The following FOSL2 variants were observed in gnomAD, a reference collection of about 807,000 sequenced individuals.
FOSL2 encodes the protein FOS like 2, AP-1 transcription factor subunit.
FOSL2 carries 3 observed loss-of-function variants against 27.7 expected under a neutral mutation model. The observed-to-expected ratio is 0.11, with a 90% CI of 0.05 to 0.28. FOSL2 has a LOEUF of 0.28. Ranked by LOEUF, FOSL2 falls within the 10% of genes least tolerant of loss-of-function variation. The pLI is 1.00. For synonymous variants in FOSL2, 179 were observed against 190.1 expected (o/e 0.94, Z 0.48); for missense variants, 333 against 445.1 (o/e 0.75, Z 2.27).
intron 1 of FOSL2, among the ~76,000 whole-genome samples, chr2:28,401,632 C>T: frequency 6.6e-6 from 1 of 152,190 alleles, no homozygotes; most frequent in Non-Finnish European, 1.5e-5. Flanking sequence ...CACACTCAGC[C>T]ATGCCTGCTG....
intron 1 of FOSL2, among the ~76,000 whole-genome samples, chr2:28,398,064 A>G (rs949087472): frequency 6.6e-6 from 1 of 151,974 alleles, no homozygotes; most frequent in Admixed American, 6.6e-5. Flanking sequence ...AATAACTTGG[A>G]TTTTTTTTCT....
rs372803754 is a variant in FOSL2, at chr2:28,404,112, C to T, written c.108C>T (p.Phe36=). 53 of 1,613,880 alleles carry T rather than the reference C, an allele frequency of 3.3e-5. No homozygotes were observed. The highest frequency in any genetic ancestry group is 6.7e-5 in the Admixed American group (4 of 59,974). ...ATTTTTTTTCCTCATTTCAGAAATT[C>T]CGGGTAGATATGCCTGGCTCAGGCA... ...YSSGGGGQQK[F]RVDMPGSGSA... Residue 36 remains phenylalanine (F), a synonymous_variant, in exon 2 of 4, where the codon TTC becomes TTT. Coordinates refer to ENST00000264716, the MANE Select transcript of FOSL2 (RefSeq NM_005253.4). The surrounding 1 kb of genome is among the most constrained non-coding windows in gnomAD (Gnocchi z 4.7).
rs1388636719 is a variant in FOSL2, at chr2:28,413,612, C to T, written c.*1164C>T. The T allele has an allele frequency of 1.0e-5, 4 of 398,732 alleles. No individual in the cohort carries two copies. The highest frequency in any genetic ancestry group is 4.1e-5 in the African/African-American group (2 of 48,642). 24.7% of individuals were successfully genotyped at this position (398,732 alleles called of 1,614,324 possible). On this transcript the variant is annotated 3_prime_UTR_variant, in exon 4 of 4. Transcript: ENST00000264716. ...GAGGCCGTCACTGGAGTGGCGTCTG[C>T]AGCAGCTGCTGCCCCAGCACCCGCT...
intron 1 of FOSL2, among the ~76,000 whole-genome samples, chr2:28,399,137 T>C (rs537269487): frequency 6.6e-6 from 1 of 152,252 alleles, no homozygotes; most frequent in South Asian, 2.1e-4. Context: ...GTTTACAGAG[T>C]CCACAGGGCT....
chr2:28,407,177 C>T (rs767879831), intron 2 of FOSL2, among the ~76,000 whole-genome samples: 4 of 152,150 alleles, frequency 2.6e-5, no homozygotes, highest in Non-Finnish European at 5.9e-5. Context: ...CTCTCATTAG[C>T]GAGGGATCTA....
intron 1 of FOSL2, among the ~76,000 whole-genome samples, chr2:28,401,358 C>T (rs1663969691): frequency 6.6e-6 from 1 of 152,088 alleles, no homozygotes; most frequent in Non-Finnish European, 1.5e-5. Flanking sequence ...TAATGTGTAG[C>T]CAGGGTTGAG....
In FOSL2 at chr2:28,393,887, G is replaced by A. The variant is rs1663741561; in HGVS notation, c.102+65G>A. The A allele has an allele frequency of 9.5e-7, 1 of 1,056,108 alleles. No homozygotes were observed. 65.4% of individuals were successfully genotyped at this position (1,056,108 alleles called of 1,614,324 possible). A position where few individuals can be genotyped will look rare whatever the true frequency, so the allele number is the denominator to read the frequency against. On this transcript the variant is annotated intron_variant, in intron 1 of 3. Coordinates refer to ENST00000264716, the MANE Select transcript of FOSL2 (RefSeq NM_005253.4). The surrounding 1 kb of genome is among the most constrained non-coding windows in gnomAD (Gnocchi z 4.6). ...CCCCTGCCCTCTTCTCGCCGCCACT[G>A]CCTCTTTTGCTTTCTTTTCTTTTTC...
chr2:28,407,421 T>C (rs973106812), intron 2 of FOSL2, among the ~76,000 whole-genome samples: 2 of 152,346 alleles, frequency 1.3e-5, no homozygotes, highest in South Asian at 4.1e-4. Flanking sequence ...GGTGCTGTGA[T>C]GATTGTCCTC....
chr2:28,406,513 G>T (rs534974801), intron 2 of FOSL2, among the ~76,000 whole-genome samples: 66 of 152,308 alleles, frequency 4.3e-4, no homozygotes, highest in African/African-American at 1.5e-3. Flanking sequence ...CCCTGTTAGA[G>T]TCTCACAGTG....
Position 28,412,163 on chromosome 2 carries a change from G to C in FOSL2, c.696G>C (p.Ser232=). ...AGCCCCTGGAAGAGGACAGCCCCTC[G>C]TCCTCGTCGGCGGGGCTGGACAAGG... is the stretch of plus-strand genomic sequence containing the variant. ...KQEPLEEDSP[S]SSSAGLDKAQ... The change falls in exon 4 of 4, where the codon TCG becomes TCC. Residue 232 remains serine, a synonymous_variant. Transcript: ENST00000264716. This position sits in a 1 kb window ranked among gnomAD's most constrained non-coding sequence, Gnocchi z 7.1. 1 of 1,608,262 alleles carries C rather than the reference G, an allele frequency of 6.2e-7. No homozygotes were observed. The highest frequency in any genetic ancestry group is 8.5e-7 in the Non-Finnish European group (1 of 1,176,490).
chr2:28,399,270 C>T (rs1663922462), intron 1 of FOSL2, among the ~76,000 whole-genome samples: 3 of 152,206 alleles, frequency 2.0e-5, no homozygotes, highest in South Asian at 4.1e-4. Context: ...TGCCCACTCA[C>T]GAGTCTCTGG....
In FOSL2 at chr2:28,393,743, A is replaced by G. The variant is rs1663736496; in HGVS notation, c.23A>G (p.Asn8Ser). MYQDYPG[N>S]FDTSSRGSSG... ...ATCATGTACCAGGATTATCCCGGGA[A>G]CTTTGACACCTCGTCCCGGGGCAGC... Residue 8 changes from asparagine (N) to serine (S), a missense_variant, in exon 1 of 4, where the codon AAC becomes AGC. Physicochemically the swap from Asn to Ser is conservative, Grantham distance 46. Transcript: ENST00000264716. The surrounding 1 kb of genome is among the most constrained non-coding windows in gnomAD (Gnocchi z 4.6). 4 of 1,610,096 alleles carry G rather than the reference A, an allele frequency of 2.5e-6. No individual in the cohort carries two copies. The East Asian group carries it at 9.0e-5, about 36-fold the overall frequency.
Position 28,413,513 on chromosome 2 carries a change from A to G in FOSL2, c.*1065A>G. The G allele has an allele frequency of 2.5e-6, 1 of 398,678 alleles. No homozygotes were observed. The highest frequency in any genetic ancestry group is 4.4e-6 in the Non-Finnish European group (1 of 226,130). The allele number at this position is 398,678 out of a possible 1,614,324, so 24.7% of individuals were successfully genotyped here. A position where few individuals can be genotyped will look rare whatever the true frequency, so the allele number is the denominator to read the frequency against. On this transcript the variant is annotated 3_prime_UTR_variant, in exon 4 of 4. Coordinates refer to ENST00000264716, the MANE Select transcript of FOSL2 (RefSeq NM_005253.4). ...GAGCGTGGGCCTGGACCTTCCCCAGATGCTGCCAGGCAGCCCCTCCCCAAG... is the reference window on the plus strand; with the variant it reads ...GAGCGTGGGCCTGGACCTTCCCCAGGTGCTGCCAGGCAGCCCCTCCCCAAG...
In FOSL2 at chr2:28,416,567, G is replaced by C. The variant is rs1664316802; in HGVS notation, c.*4119G>C. 6.6e-6 allele frequency: 1 copy of C among 151,188 alleles called. No homozygotes were observed. The highest frequency in any genetic ancestry group is 2.4e-5 in the African/African-American group (1 of 41,086). 9.4% of individuals were successfully genotyped at this position (151,188 alleles called of 1,614,324 possible). ...TATAAAAGGTTCTGTTTTTAAAGGT[G>C]GATTTTCATTCCTCTGGGGACAGTG... On this transcript the variant is annotated 3_prime_UTR_variant, in exon 4 of 4. Coordinates refer to ENST00000264716, the MANE Select transcript of FOSL2 (RefSeq NM_005253.4).
intron 1 of FOSL2, among the ~76,000 whole-genome samples, chr2:28,395,307 C>T (rs1217827996): frequency 1.3e-5 from 2 of 152,264 alleles, no homozygotes; most frequent in Admixed American, 6.5e-5. Flanking sequence ...AAACCCCAAA[C>T]GCCTGTCTGT....
At chr2:28,409,398 G>A (rs1664146394) in intron 3 of FOSL2, among the ~76,000 whole-genome samples, 1 of 152,270 alleles carries the variant, frequency 6.6e-6, no homozygotes, top group East Asian at 1.9e-4. Flanking sequence ...TTCCTTTATG[G>A]GCAGGCGGGT....
rs1558562750 is a variant in FOSL2, at chr2:28,393,530, GGGGACGCTGT to G, written c.-190_-181del. ...AAAGAAGTGCTGTAAGGGACGCTCG[GGGGACGCTGT>G]TCCTGAGGTGTCGCCGCCTCCCTGT... On this transcript the variant is annotated 5_prime_UTR_variant, in exon 1 of 4. Coordinates refer to ENST00000264716, the MANE Select transcript of FOSL2 (RefSeq NM_005253.4). This position sits in a 1 kb window ranked among gnomAD's most constrained non-coding sequence, Gnocchi z 4.6. The G allele has an allele frequency of 1.8e-6, 1 of 556,460 alleles. No individual in the cohort carries two copies. The highest frequency in any genetic ancestry group is 3.2e-6 in the Non-Finnish European group (1 of 312,268). The allele number at this position is 556,460 out of a possible 1,614,324, so 34.5% of individuals were successfully genotyped here.
intron 1 of FOSL2, among the ~76,000 whole-genome samples, chr2:28,394,148 C>CGT (rs1663753666): frequency 8.0e-6 from 1 of 125,208 alleles, no homozygotes; most frequent in Non-Finnish European, 1.7e-5. Flanking sequence ...CCCCCCCCCC[C>CGT]CCACCCCTGC....
At chr2:28,405,065 G>C (rs1045085677) in intron 2 of FOSL2, among the ~76,000 whole-genome samples, 8 of 152,086 alleles carry the variant, frequency 5.3e-5, no homozygotes, top group Non-Finnish European at 1.2e-4. Flanking sequence ...CCAGAAAATG[G>C]GGAAGGGGGG....
Sources: allele counts gnomAD v4.1 joint callset (sites outside exome capture counted in the v4.1 genomes callset), GRCh38; gene constraint gnomAD v4.1.1; non-coding constraint Gnocchi (gnomAD v3.1); transcripts MANE v1.5; gene names NCBI Gene and HGNC (gene_info 2026-07-23, HGNC 2026-07-21).